GIGYF2: variants seen among roughly 807,000 people sequenced by gnomAD.
The protein encoded by GIGYF2 is GRB10 interacting GYF protein 2, also known as GRB10-interacting GYF protein 2.
In GIGYF2, 25 loss-of-function variants were observed where a neutral mutation model predicts 208.1. The ratio of observed to expected loss-of-function variants is 0.12; its 90% confidence interval spans 0.09 to 0.17. The LOEUF is 0.17. GIGYF2 is among the 10% of genes least tolerant of loss of function. The pLI is 1.00. For synonymous variants in GIGYF2, 534 were observed against 543.8 expected (o/e 0.98, Z 0.25); for missense variants, 1,302 against 1,579.4 (o/e 0.82, Z 2.98).
intron 12 of GIGYF2, among the ~76,000 whole-genome samples, 198 bp from the exon 13 acceptor site, chr2:232,794,549 CT>C (rs1700167176): frequency 6.6e-6 from 1 of 152,140 alleles, no homozygotes; most frequent in Non-Finnish European, 1.5e-5. Context: ...TAACTCTTAC[CT>C]TTTGTCATTC....
intron 28 of GIGYF2, among the ~76,000 whole-genome samples, chr2:232,856,004 C>A (rs1483100518): frequency 6.6e-6 from 1 of 152,034 alleles, no homozygotes; most frequent in Non-Finnish European, 1.5e-5. Flanking sequence ...GATCTCGGCT[C>A]ACTGCAAGCT....
chr2:232,768,461 A>T, intron 8 of GIGYF2: 1 of 1,614,180 alleles, frequency 6.2e-7, no homozygotes, highest in Non-Finnish European at 8.5e-7. Flanking sequence ...GCATTGCTGA[A>T]AGGAATACAA....
Position 232,806,956 on chromosome 2 carries a change from C to G in GIGYF2, c.1806+299C>G, listed in dbSNP as rs991660723. 6.6e-6 allele frequency among the ~76,000 whole-genome samples: 1 copy of G among 152,168 alleles called. No homozygotes were observed. The highest frequency in any genetic ancestry group is 2.4e-5 in the African/African-American group (1 of 41,450). On this transcript the variant is annotated intron_variant, in intron 15 of 28. Coordinates refer to ENST00000373563, the MANE Select transcript of GIGYF2 (RefSeq NM_001103146.3). This position sits in a 1 kb window ranked among gnomAD's most constrained non-coding sequence, Gnocchi z 4.0. Reference sequence around the variant, plus strand: ...AGACCAACATCTTATCCTGGCCTACCTACGAGGTCCTGCAATGCCTGGCAC... The same window carrying G: ...AGACCAACATCTTATCCTGGCCTACGTACGAGGTCCTGCAATGCCTGGCAC...
At chr2:232,776,348 C>T in intron 8 of GIGYF2, 1 of 828,102 alleles carries the variant, frequency 1.2e-6, no homozygotes, top group Non-Finnish European at 2.0e-6. Flanking sequence ...TTTTAAAAAT[C>T]TGTTGGAAGT....
chr2:232,806,425 TA>T lies in GIGYF2; in HGVS notation c.1640-65del. 1.5e-5 allele frequency: 17 copies of T among 1,109,114 alleles called. No individual in the cohort carries two copies. The South Asian group carries it at 1.9e-4, about 12-fold the overall frequency. The allele number at this position is 1,109,114 out of a possible 1,614,324, so 68.7% of individuals were successfully genotyped here. ...CTCGATGAGAATCAGATGCAGGAAA[TA>T]TTTTTTTTCTCTTTGAGTCTGAAAG... is the stretch of plus-strand genomic sequence containing the variant. On this transcript the variant is annotated intron_variant, in intron 14 of 28. Coordinates refer to ENST00000373563, the MANE Select transcript of GIGYF2 (RefSeq NM_001103146.3). The surrounding 1 kb of genome is among the most constrained non-coding windows in gnomAD (Gnocchi z 4.0).
intron 18 of GIGYF2, among the ~76,000 whole-genome samples, chr2:232,813,353 G>T (rs1268437193): frequency 9.4e-6 from 1 of 106,804 alleles, no homozygotes; most frequent in Non-Finnish European, 2.4e-5. Context: ...ACCTGACTGG[G>T]TGTACGCTAT....
In GIGYF2 at chr2:232,806,305, CTT is replaced by C. The variant is rs1204176318; in HGVS notation, c.1640-184_1640-183del. ...ATAATTTGGGATGTATAAACACAGA[CTT>C]TATTTAAAAATTATTTTAGTAGTTA... is the stretch of plus-strand genomic sequence containing the variant. On this transcript the variant is annotated intron_variant, in intron 14 of 28. Transcript: ENST00000373563. The surrounding 1 kb of genome is among the most constrained non-coding windows in gnomAD (Gnocchi z 4.0). 6.6e-6 allele frequency among the ~76,000 whole-genome samples: 1 copy of C among 152,168 alleles called. No homozygotes were observed. The highest frequency in any genetic ancestry group is 1.5e-5 in the Non-Finnish European group (1 of 68,026).
At chr2:232,718,080 T>G (rs1028674651) in intron 2 of GIGYF2, among the ~76,000 whole-genome samples, 9 of 152,106 alleles carry the variant, frequency 5.9e-5, no homozygotes, top group African/African-American at 2.2e-4. Context: ...ATCAGTAATT[T>G]TTTTTGTTGT....
At chr2:232,827,208 G>A (rs1701277420) in intron 21 of GIGYF2, among the ~76,000 whole-genome samples, 1 of 151,938 alleles carries the variant, frequency 6.6e-6, no homozygotes, top group African/African-American at 2.4e-5. Context: ...TATAGACATT[G>A]TTTTTTAAGA....
chr2:232,777,955 A>G (rs1478920649), intron 8 of GIGYF2, among the ~76,000 whole-genome samples: 1 of 151,704 alleles, frequency 6.6e-6, no homozygotes, highest in South Asian at 2.1e-4. Context: ...TTTTATTTTC[A>G]TTTTTTTTAG....
intron 22 of GIGYF2, among the ~76,000 whole-genome samples, chr2:232,833,746 T>C (rs952655415): frequency 5.3e-5 from 8 of 152,240 alleles, no homozygotes; most frequent in African/African-American, 1.9e-4. Flanking sequence ...CTTAAAAATA[T>C]AGGCATGTAA....
intron 2 of GIGYF2, among the ~76,000 whole-genome samples, chr2:232,713,506 A>G (rs376468142): frequency 6.6e-6 from 1 of 152,236 alleles, no homozygotes; most frequent in South Asian, 2.1e-4. Context: ...ACTATGGTAC[A>G]TTGTTATAAT....
Position 232,860,171 on chromosome 2 carries a change from T to G in GIGYF2, c.*3311T>G, listed in dbSNP as rs1034319043. 3.9e-5 allele frequency: 6 copies of G among 151,976 alleles called. No individual in the cohort carries two copies. Among genetic ancestry groups the G allele is most frequent in the Non-Finnish European group, 8.8e-5 (6 of 68,006 alleles). 9.4% of individuals were successfully genotyped at this position (151,976 alleles called of 1,614,324 possible). ...TTAAGTTGAGGGTTTTTGTTTTTGT[T>G]TTTGTATTGGAGATGGGTTCTTACT... On this transcript the variant is annotated 3_prime_UTR_variant, in exon 29 of 29. Transcript: ENST00000373563.
At position 232,799,564 on chromosome 2, in the gene GIGYF2, TAA is replaced by T. The variant is rs1341878756; in HGVS notation, c.1639+3344_1639+3345del. On this transcript the variant is annotated intron_variant, in intron 14 of 28. Transcript: ENST00000373563. ...GACCCTGTCTTTAAAATAATAATAA[TAA>T]TAATAATAATAATAATAATACTGCT... 4.9e-4 allele frequency among the ~76,000 whole-genome samples: 73 copies of T among 150,488 alleles called. No individual in the cohort carries two copies. The East Asian group carries it at 0.013, about 26-fold the overall frequency.
intron 22 of GIGYF2, among the ~76,000 whole-genome samples, chr2:232,839,143 G>C (rs531287888): frequency 3.3e-5 from 5 of 152,216 alleles, no homozygotes; most frequent in African/African-American, 1.2e-4. Context: ...TGATGCCTCA[G>C]TATTAAAAGT....
rs182436681 is a variant in GIGYF2, at chr2:232,762,309, A to G, written c.532+873A>G. 4.0e-5 allele frequency among the ~76,000 whole-genome samples: 6 copies of G among 149,926 alleles called. No individual in the cohort carries two copies. The East Asian group carries it at 7.9e-4, about 20-fold the overall frequency. On this transcript the variant is annotated intron_variant, in intron 8 of 28. Coordinates refer to ENST00000373563, the MANE Select transcript of GIGYF2 (RefSeq NM_001103146.3). ...ACTCTGTCACCCAGGCTGGAGTGCA[A>G]TGGTGTGGTCTCGGCTCACTGCAAC...
intron 2 of GIGYF2, among the ~76,000 whole-genome samples, chr2:232,709,116 C>T (rs1696265595): frequency 6.6e-6 from 1 of 151,892 alleles, no homozygotes. Context: ...AGTGAGACTC[C>T]ATTCCAAAAA....
intron 8 of GIGYF2, among the ~76,000 whole-genome samples, chr2:232,762,923 G>A (rs1376567863): frequency 6.6e-6 from 1 of 151,970 alleles, no homozygotes; most frequent in Admixed American, 6.6e-5. Context: ...AGGCCATCAT[G>A]TGATGGGAGG....
intron 28 of GIGYF2, among the ~76,000 whole-genome samples, chr2:232,853,196 C>T (rs1690426982): frequency 6.6e-6 from 1 of 152,150 alleles, no homozygotes; most frequent in South Asian, 2.1e-4. Context: ...TATCCATTAG[C>T]TACACATTCC....
Sources: allele counts gnomAD v4.1 joint callset (sites outside exome capture counted in the v4.1 genomes callset), GRCh38; gene constraint gnomAD v4.1.1; non-coding constraint Gnocchi (gnomAD v3.1); transcripts MANE v1.5; gene names NCBI Gene and HGNC (gene_info 2026-07-23, HGNC 2026-07-21).